Variants in HIVEP2 observed in about 807,000 individuals in gnomAD.
HIVEP2 encodes transcription factor HIVEP2.
HIVEP2 carries 14 observed loss-of-function variants against 180.7 expected under a neutral mutation model. The ratio of observed to expected loss-of-function variants is 0.08; its 90% confidence interval spans 0.05 to 0.12. The LOEUF is 0.12. Ranked by LOEUF, HIVEP2 falls within the 10% of genes least tolerant of loss-of-function variation. HIVEP2 has a pLI of 1.00. For synonymous variants in HIVEP2, 1,184 were observed against 1,136.4 expected, an observed-to-expected ratio of 1.04 and a Z score of -0.84; for missense variants, 2,579 against 3,008.5, an observed-to-expected ratio of 0.86 and a Z score of 3.34.
At chr6:142,789,774 T>C (rs1776094270) in intron 2 of HIVEP2, among the ~76,000 whole-genome samples, 1 of 152,138 alleles carries the variant, frequency 6.6e-6, no homozygotes, top group Non-Finnish European at 1.5e-5. Flanking sequence ...AAGTAAAAAA[T>C]GAAGAATTAA....
intron 1 of HIVEP2, among the ~76,000 whole-genome samples, chr6:142,913,921 C>T (rs546626202): frequency 2.0e-5 from 3 of 152,146 alleles, no homozygotes; most frequent in African/African-American, 7.2e-5. Flanking sequence ...GCAAGTTGCA[C>T]GTTTGCACGT....
chr6:142,861,287 G>T (rs1352681153), intron 1 of HIVEP2, among the ~76,000 whole-genome samples: 1 of 152,132 alleles, frequency 6.6e-6, no homozygotes, highest in African/African-American at 2.4e-5. Context: ...AATTGGAATG[G>T]CCTTCCCCTG....
chr6:142,872,584 C>T (rs1776319852), intron 1 of HIVEP2, among the ~76,000 whole-genome samples: 1 of 152,134 alleles, frequency 6.6e-6, no homozygotes, highest in Non-Finnish European at 1.5e-5. Flanking sequence ...AGCCAGTGAG[C>T]TCACCCGGAA....
chr6:142,911,294 G>A (rs768895093), intron 1 of HIVEP2, among the ~76,000 whole-genome samples: 7 of 152,118 alleles, frequency 4.6e-5, no homozygotes, highest in Non-Finnish European at 1.0e-4. Flanking sequence ...ACAAGTTTGG[G>A]GCAGAATTTA....
chr6:142,788,827 T>G (rs768777844), intron 2 of HIVEP2, among the ~76,000 whole-genome samples: 5 of 152,112 alleles, frequency 3.3e-5, no homozygotes, highest in Non-Finnish European at 5.9e-5. Context: ...TATAAACAGA[T>G]TACAAAGGAG....
chr6:142,868,220 C>T (rs1776192250), intron 1 of HIVEP2, among the ~76,000 whole-genome samples: 1 of 152,110 alleles, frequency 6.6e-6, no homozygotes, highest in African/African-American at 2.4e-5. Context: ...TTTGGGTGCA[C>T]AACACTTCAA....
intron 1 of HIVEP2, among the ~76,000 whole-genome samples, chr6:142,902,116 A>C (rs1472420536): frequency 6.6e-6 from 1 of 152,218 alleles, no homozygotes; most frequent in Admixed American, 6.5e-5. Flanking sequence ...GATAAAGCTT[A>C]ATTCTTCTCC....
At chr6:142,911,394 C>A (rs560517050) in intron 1 of HIVEP2, among the ~76,000 whole-genome samples, 1 of 152,268 alleles carries the variant, frequency 6.6e-6, no homozygotes, top group East Asian at 1.9e-4. Flanking sequence ...ATAATCATAT[C>A]TCTTGGTACC....
At chr6:142,922,792 T>C (rs373805269) in intron 1 of HIVEP2, among the ~76,000 whole-genome samples, 1 of 152,190 alleles carries the variant, frequency 6.6e-6, no homozygotes, top group East Asian at 1.9e-4. Flanking sequence ...AATTATGACA[T>C]GTACATCCCT....
intron 1 of HIVEP2, among the ~76,000 whole-genome samples, chr6:142,855,148 C>A (rs1248438438): frequency 6.6e-6 from 1 of 152,186 alleles, no homozygotes; most frequent in Non-Finnish European, 1.5e-5. Flanking sequence ...CATTAAGGGT[C>A]CCAGTCACAT....
At chr6:142,840,883 C>T (rs574979406) in intron 1 of HIVEP2, among the ~76,000 whole-genome samples, 1 of 152,234 alleles carries the variant, frequency 6.6e-6, no homozygotes, top group East Asian at 1.9e-4. Context: ...ATTCTACTTT[C>T]ACCAAACTTC....
At chr6:142,913,827 T>C (rs1777481493) in intron 1 of HIVEP2, among the ~76,000 whole-genome samples, 1 of 152,342 alleles carries the variant, frequency 6.6e-6, no homozygotes, top group East Asian at 1.9e-4. Flanking sequence ...GTGGCATTTC[T>C]TCATCGTCAA....
chr6:142,882,376 C>G (rs966961416), intron 1 of HIVEP2, among the ~76,000 whole-genome samples: 4 of 151,942 alleles, frequency 2.6e-5, no homozygotes, highest in African/African-American at 9.7e-5. Flanking sequence ...GCTGGGAGGC[C>G]AAGGTGAGAG....
rs534192967 is a variant in HIVEP2 at position 142,918,170 on chromosome 6, C to T, written c.-641+26929G>A. On this transcript the variant is annotated intron_variant, in intron 1 of 9. Transcript: ENST00000367603. ...TACCTTTTTCCTTAAACCCTTTCCT[C>T]TTTGCCTCCCTATTTATTTTTCCCT... Among the ~76,000 whole-genome samples the T allele has an allele frequency of 1.2e-4, 19 of 152,232 alleles. No homozygotes were observed. In the South Asian group the frequency reaches 3.7e-3, roughly 30 times the overall value.
At chr6:142,887,099 T>C (rs1405532872) in intron 1 of HIVEP2, among the ~76,000 whole-genome samples, 1 of 152,188 alleles carries the variant, frequency 6.6e-6, no homozygotes, top group East Asian at 1.9e-4. Flanking sequence ...TGTACCTCCA[T>C]CATCCCACTC....
At chr6:142,905,173 AAAT>A (rs1428498393) in intron 1 of HIVEP2, among the ~76,000 whole-genome samples, 47 of 152,282 alleles carry the variant, frequency 3.1e-4, no homozygotes, top group African/African-American at 1.1e-3. Context: ...TCCCATCTCT[AAAT>A]AAGAGTTAAG....
At chr6:142,877,172 T>C (rs1430417937) in intron 1 of HIVEP2, among the ~76,000 whole-genome samples, 1 of 152,228 alleles carries the variant, frequency 6.6e-6, no homozygotes, top group East Asian at 1.9e-4. Flanking sequence ...CCATTGTTAA[T>C]GCTTTGAACA....
At chr6:142,804,715 TTAGTCAA>T (rs1458647128) in intron 2 of HIVEP2, among the ~76,000 whole-genome samples, 1 of 151,734 alleles carries the variant, frequency 6.6e-6, no homozygotes, top group Admixed American at 6.6e-5. Flanking sequence ...CTCTAGCTTA[TTAGTCAA>T]ATAAGGACTC....
rs777874864 is a variant in HIVEP2 at position 142,774,689 on chromosome 6, C to A, written c.50G>T (p.Gly17Val). ...TCTACCTGATGCTTTATCAGTTTCTCCAGACCTTGAGGTAGCTTTTTGTCC... is the reference window on the plus strand; with the variant it reads ...TCTACCTGATGCTTTATCAGTTTCTACAGACCTTGAGGTAGCTTTTTGTCC... ...ALGQKATSRSGETDKASGRWR... is the reference protein window; with the variant it reads ...ALGQKATSRSVETDKASGRWR... Residue 17 changes from glycine to valine, a missense_variant, in exon 5 of 10, where the codon GGA becomes GTA. Physicochemically the swap from Gly to Val is moderately radical, Grantham distance 109. Coordinates refer to ENST00000367603, the MANE Select transcript of HIVEP2 (RefSeq NM_006734.4). The surrounding 1 kb of genome is among the most constrained non-coding windows in gnomAD (Gnocchi z 5.1). 1 of 1,614,066 alleles carries A rather than the reference C, an allele frequency of 6.2e-7. No individual in the cohort carries two copies. The highest frequency in any genetic ancestry group is 2.2e-5 in the East Asian group (1 of 44,904).
Sources: allele counts gnomAD v4.1 joint callset (sites outside exome capture counted in the v4.1 genomes callset), GRCh38; gene constraint gnomAD v4.1.1; non-coding constraint Gnocchi (gnomAD v3.1); transcripts MANE v1.5; gene names NCBI Gene and HGNC (gene_info 2026-07-23, HGNC 2026-07-21).